Variants in RASAL2 observed in about 807,000 individuals in gnomAD.
RASAL2 encodes RAS protein activator like 2.
In RASAL2, 58 loss-of-function variants were observed where a neutral mutation model predicts 128.9. The ratio of observed to expected loss-of-function variants is 0.45; its 90% CI spans 0.36 to 0.56. The LOEUF (loss-of-function observed/expected upper bound fraction) is 0.56, where lower values mean the gene tolerates loss of function less well. Ranked by LOEUF, RASAL2 falls within the 20% of genes least tolerant of loss-of-function variation. The probability of loss-of-function intolerance (pLI) is 0.00; values close to 1 mark genes in which losing one functional copy is unlikely to be tolerated. For synonymous variants in RASAL2, 561 were observed against 580.8 expected, an observed-to-expected ratio of 0.97 and a Z score of 0.49; for missense variants, 1,360 against 1,601.6, an observed-to-expected ratio of 0.85 and a Z score of 2.57.
At chr1:178,195,130 A>G (rs1043293248) in intron 1 of RASAL2, among the ~76,000 whole-genome samples, 1 of 152,174 alleles carries the variant, frequency 6.6e-6, no homozygotes, top group African/African-American at 2.4e-5. Flanking sequence ...TATTTGAGTA[A>G]AGTGGGGCTA....
intron 2 of RASAL2, among the ~76,000 whole-genome samples, chr1:178,286,659 G>A (rs911100968): frequency 2.6e-5 from 4 of 152,154 alleles, no homozygotes; most frequent in African/African-American, 4.8e-5. Context: ...TGATCCACCC[G>A]CCTCAGCCTC....
chr1:178,423,493 T>C (rs1294005985), intron 5 of RASAL2, among the ~76,000 whole-genome samples: 2 of 152,152 alleles, frequency 1.3e-5, no homozygotes, highest in African/African-American at 4.8e-5. Flanking sequence ...CTAGGTACTT[T>C]ATATAAACTA....
intron 1 of RASAL2, among the ~76,000 whole-genome samples, chr1:178,166,193 A>G (rs1045244322): frequency 6.6e-6 from 1 of 152,176 alleles, no homozygotes; most frequent in Non-Finnish European, 1.5e-5. Context: ...TTTGTGGTCA[A>G]TCTCACTGTT....
chr1:178,406,283 C>T (rs1393013178), intron 4 of RASAL2, among the ~76,000 whole-genome samples: 1 of 152,210 alleles, frequency 6.6e-6, no homozygotes, highest in Non-Finnish European at 1.5e-5. Flanking sequence ...GTACATGCAA[C>T]AGCATGCATA....
intron 4 of RASAL2, among the ~76,000 whole-genome samples, chr1:178,403,669 G>C (rs1312022580): frequency 6.6e-6 from 1 of 151,950 alleles, no homozygotes; most frequent in Non-Finnish European, 1.5e-5. Flanking sequence ...CCTTACACAA[G>C]AGTAAACTCC....
chr1:178,164,487 G>GTC (rs776154924), intron 1 of RASAL2, among the ~76,000 whole-genome samples: 1 of 143,958 alleles, frequency 6.9e-6, no homozygotes, highest in Non-Finnish European at 1.5e-5. Context: ...GCATTTGTGT[G>GTC]TGTGTGTGTG....
At chr1:178,180,937 C>G (rs1313849269) in intron 1 of RASAL2, among the ~76,000 whole-genome samples, 1 of 151,972 alleles carries the variant, frequency 6.6e-6, no homozygotes, top group Non-Finnish European at 1.5e-5. Context: ...ACATAAGAAA[C>G]AGATACACAT....
At chr1:178,437,693 C>T (rs941237791) in intron 5 of RASAL2, among the ~76,000 whole-genome samples, 1 of 152,020 alleles carries the variant, frequency 6.6e-6, no homozygotes, top group Admixed American at 6.6e-5. Flanking sequence ...AGAAAGATTA[C>T]AGTGTCCAGT....
intron 3 of RASAL2, among the ~76,000 whole-genome samples, chr1:178,321,653 A>C (rs1024931640): frequency 6.6e-6 from 1 of 152,020 alleles, no homozygotes; most frequent in Admixed American, 6.6e-5. Context: ...AGCTGGGACT[A>C]CAGGCATGTG....
intron 3 of RASAL2, among the ~76,000 whole-genome samples, chr1:178,378,990 T>C (rs1317852994): frequency 1.3e-5 from 2 of 151,154 alleles, no homozygotes; most frequent in African/African-American, 2.4e-5. Context: ...AAAAGCCTAA[T>C]GAAAATAGAT....
chr1:178,325,015 A>G (rs1170198770), intron 3 of RASAL2, among the ~76,000 whole-genome samples: 4 of 151,996 alleles, frequency 2.6e-5, no homozygotes, highest in Non-Finnish European at 5.9e-5. Context: ...GGTTACTTTT[A>G]TTTCTGTAAA....
intron 3 of RASAL2, chr1:178,341,582 A>C: frequency 3.7e-6 from 6 of 1,614,038 alleles, no homozygotes; most frequent in Non-Finnish European, 5.1e-6. Context: ...TAGCACACCC[A>C]GAAACTTCAC....
At chr1:178,455,676 G>A (rs978710678) in intron 12 of RASAL2, among the ~76,000 whole-genome samples, 1 of 152,166 alleles carries the variant, frequency 6.6e-6, no homozygotes, top group Non-Finnish European at 1.5e-5. Context: ...CTTTTCATGT[G>A]AATCGTAGCC....
chr1:178,440,006 C>CATCTATCCATCT (rs1449558120), intron 6 of RASAL2, among the ~76,000 whole-genome samples: 1 of 151,552 alleles, frequency 6.6e-6, no homozygotes, highest in Non-Finnish European at 1.5e-5. Context: ...TCCATCCATC[C>CATCTATCCATCT]ATCCTAATTC....
At chr1:178,464,547 T>G in intron 15 of RASAL2, 135 bp downstream of exon 15, 1 of 962,982 alleles carries the variant, frequency 1.0e-6, no homozygotes, top group Non-Finnish European at 1.5e-6. Context: ...CCTATACATA[T>G]CTATGTAAAA....
chr1:178,170,274 A>G (rs1450159877), intron 1 of RASAL2, among the ~76,000 whole-genome samples: 1 of 151,918 alleles, frequency 6.6e-6, no homozygotes, highest in African/African-American at 2.4e-5. Flanking sequence ...ATAAAGATAC[A>G]GCAAATTGTC....
At chr1:178,417,818 T>C (rs1557973287) in intron 4 of RASAL2, among the ~76,000 whole-genome samples, 1 of 151,162 alleles carries the variant, frequency 6.6e-6, no homozygotes, top group African/African-American at 2.4e-5. Context: ...CTAGATTTAA[T>C]TAGTAGACAG....
chr1:178,225,253 A>G (rs181550822), intron 1 of RASAL2, among the ~76,000 whole-genome samples: 1 of 151,650 alleles, frequency 6.6e-6, no homozygotes, highest in African/African-American at 2.4e-5. Flanking sequence ...TTTTTACTTA[A>G]CTTTTCTGCT....
intron 1 of RASAL2, among the ~76,000 whole-genome samples, chr1:178,115,567 T>C (rs1459341358): frequency 6.6e-6 from 1 of 152,210 alleles, no homozygotes; most frequent in Non-Finnish European, 1.5e-5. Context: ...TTAGCCAGCA[T>C]GGCAGCTTTG....
Sources: allele counts gnomAD v4.1 joint callset (sites outside exome capture counted in the v4.1 genomes callset), GRCh38; gene constraint gnomAD v4.1.1; transcripts MANE v1.5; gene names NCBI Gene and HGNC (gene_info 2026-07-23, HGNC 2026-07-21).